The following PTPRT variants were observed in gnomAD, a reference collection of about 807,000 sequenced individuals.
The protein encoded by PTPRT is protein tyrosine phosphatase receptor type T, also known as receptor-type tyrosine-protein phosphatase T.
In PTPRT, 56 loss-of-function variants were observed where a neutral mutation model predicts 176.8. The observed-to-expected ratio is 0.32, with a 90% CI of 0.26 to 0.40. The LOEUF is 0.40. Ranked by LOEUF, PTPRT falls within the 10% of genes least tolerant of loss-of-function variation. The pLI, the probability that PTPRT is intolerant of heterozygous loss-of-function variation, is 1.00. For synonymous variants in PTPRT, 783 were observed against 739.0 expected, an observed-to-expected ratio of 1.06 and a Z score of -0.96; for missense variants, 1,540 against 1,908.2, an observed-to-expected ratio of 0.81 and a Z score of 3.60.
chr20:43,017,606 C>T (rs967683605), intron 1 of PTPRT, among the ~76,000 whole-genome samples: 1 of 152,204 alleles, frequency 6.6e-6, no homozygotes, highest in Non-Finnish European at 1.5e-5. Flanking sequence ...GTGGCCATCC[C>T]GTCAAGCCTG....
At chr20:42,525,262 AG>A (rs1287262331) in intron 7 of PTPRT, among the ~76,000 whole-genome samples, 1 of 152,192 alleles carries the variant, frequency 6.6e-6, no homozygotes, top group Non-Finnish European at 1.5e-5. Flanking sequence ...CTAGGATTAC[AG>A]GTGTAAGTCA....
At chr20:42,750,416 T>C (rs769072611) in intron 6 of PTPRT, among the ~76,000 whole-genome samples, 1 of 152,180 alleles carries the variant, frequency 6.6e-6, no homozygotes, top group African/African-American at 2.4e-5. Context: ...CCTCCATTAT[T>C]CAGATAAGGA....
At chr20:42,620,300 T>G (rs1030613711) in intron 7 of PTPRT, among the ~76,000 whole-genome samples, 1 of 149,646 alleles carries the variant, frequency 6.7e-6, no homozygotes, top group Non-Finnish European at 1.5e-5. Context: ...CTGCCTATTC[T>G]GAGATCTCCA....
chr20:42,835,674 AT>A (rs571734302), intron 2 of PTPRT, among the ~76,000 whole-genome samples: 1 of 152,308 alleles, frequency 6.6e-6, no homozygotes, highest in African/African-American at 2.4e-5. Context: ...AGAATGAATG[AT>A]ACCAAATTAT....
intron 7 of PTPRT, among the ~76,000 whole-genome samples, chr20:42,573,221 A>G (rs1410424278): frequency 2.6e-5 from 4 of 152,202 alleles, no homozygotes; most frequent in Admixed American, 2.0e-4. Flanking sequence ...AGGAGGGGCC[A>G]GCAGGAAGGT....
chr20:42,474,258 AG>A (rs2071248634), intron 7 of PTPRT, among the ~76,000 whole-genome samples: 1 of 152,170 alleles, frequency 6.6e-6, no homozygotes, highest in Admixed American at 6.5e-5. Context: ...AGAGCATTTA[AG>A]GGTAAGGCTA....
At chr20:42,445,198 A>G (rs185933575) in intron 9 of PTPRT, among the ~76,000 whole-genome samples, 18 of 152,330 alleles carry the variant, frequency 1.2e-4, no homozygotes, top group Admixed American at 6.5e-4. Flanking sequence ...CATCTGGGTA[A>G]TATGAACTTG....
At chr20:42,673,257 C>A (rs889514859) in intron 7 of PTPRT, among the ~76,000 whole-genome samples, 1 of 152,188 alleles carries the variant, frequency 6.6e-6, no homozygotes, top group African/African-American at 2.4e-5. Context: ...CTGCAAAGAC[C>A]AAGCTATGGA....
intron 1 of PTPRT, among the ~76,000 whole-genome samples, chr20:42,915,089 G>T (rs1331087444): frequency 4.6e-5 from 7 of 152,122 alleles, no homozygotes; most frequent in Non-Finnish European, 1.0e-4. Context: ...TCCCAACTTT[G>T]GCCATCTAAA....
At chr20:42,168,594 C>G (rs1429285763) in intron 16 of PTPRT, among the ~76,000 whole-genome samples, 1 of 152,208 alleles carries the variant, frequency 6.6e-6, no homozygotes, top group Non-Finnish European at 1.5e-5. Context: ...ATCCCATGTG[C>G]AGGAAGATAT....
chr20:42,034,717 T>G, the PTPRT span, among the ~76,000 whole-genome samples: 1 of 152,180 alleles, frequency 6.6e-6, no homozygotes, highest in African/African-American at 2.4e-5. Context: ...AAGGATTAAC[T>G]TAGGTAGTTT....
In PTPRT at chr20:42,896,896, C is replaced by A. The variant is rs138964760; in HGVS notation, c.89-10964G>T. On this transcript the variant is annotated intron_variant, in intron 1 of 30. Coordinates refer to ENST00000373187, the MANE Select transcript of PTPRT (RefSeq NM_007050.6). ...ATTGTGAACACCCTATCGTGGGTAG[C>A]TGATTCTTGCCCCCGGAATGAATGT... Among the ~76,000 whole-genome samples the A allele has an allele frequency of 4.8e-3, 734 of 152,254 alleles. 1 individual carries two copies. The highest frequency in any genetic ancestry group is 7.1e-3 in the Non-Finnish European group (486 of 68,020).
intron 1 of PTPRT, among the ~76,000 whole-genome samples, chr20:42,912,988 C>T (rs1978495854): frequency 6.6e-6 from 1 of 152,190 alleles, no homozygotes; most frequent in Non-Finnish European, 1.5e-5. Context: ...AATGCCTATC[C>T]TACCTCTTAC....
chr20:42,140,547 T>C (rs1052816458), intron 18 of PTPRT, among the ~76,000 whole-genome samples: 1 of 152,226 alleles, frequency 6.6e-6, no homozygotes, highest in Non-Finnish European at 1.5e-5. Context: ...ACCATGCACC[T>C]GTCACACACA....
intron 22 of PTPRT, among the ~76,000 whole-genome samples, chr20:42,114,338 T>C (rs893559216): frequency 1.3e-5 from 2 of 152,236 alleles, no homozygotes; most frequent in Non-Finnish European, 2.9e-5. Flanking sequence ...GAGGATTAAC[T>C]GAGTTACTCT....
chr20:42,861,795 C>G (rs543743212), intron 2 of PTPRT, among the ~76,000 whole-genome samples: 27 of 152,138 alleles, frequency 1.8e-4, no homozygotes, highest in African/African-American at 6.5e-4. Context: ...CATGCAAGCT[C>G]TTGCTGAGAA....
intron 11 of PTPRT, among the ~76,000 whole-genome samples, chr20:42,328,644 GTTTTCC>G (rs2057919271): frequency 6.6e-6 from 1 of 152,044 alleles, no homozygotes; most frequent in South Asian, 2.1e-4. Context: ...AATATAAATA[GTTTTCC>G]TTTTCAGATT....
At chr20:42,047,847 ACT>A in the PTPRT span, among the ~76,000 whole-genome samples, 1 of 151,766 alleles carries the variant, frequency 6.6e-6, no homozygotes, top group Non-Finnish European at 1.5e-5. Flanking sequence ...TTATTTGCTG[ACT>A]CTGTATTTGA....
intron 13 of PTPRT, among the ~76,000 whole-genome samples, chr20:42,264,508 C>T (rs574242158): frequency 6.6e-6 from 1 of 152,290 alleles, no homozygotes; most frequent in South Asian, 2.1e-4. Flanking sequence ...TGAGGAGGGT[C>T]CTCTGCAATG....
Sources: gnomAD v4.1 joint callset for allele counts (sites outside exome capture counted in the v4.1 genomes callset) on GRCh38, gnomAD v4.1.1 for gene constraint, MANE v1.5 for transcripts, NCBI Gene and HGNC (gene_info 2026-07-23, HGNC 2026-07-21) for gene names.